ASIC2: variants seen among roughly 807,000 people sequenced by gnomAD.
The protein encoded by ASIC2 is acid-sensing ion channel 2.
Under a neutral mutation model 57.3 loss-of-function variants are expected in ASIC2, and 25 were observed. The ratio of observed to expected loss-of-function variants is 0.44; its 90% CI spans 0.32 to 0.61. ASIC2 has a LOEUF of 0.61. Among genes scored for constraint, ASIC2 ranks in the 20% least tolerant of loss-of-function variants. ASIC2 has a pLI of 0.06. For missense variants in ASIC2, 641 were observed against 738.1 expected, an observed-to-expected ratio of 0.87 and a Z score of 1.52; for synonymous variants, 319 against 307.5, an observed-to-expected ratio of 1.04 and a Z score of -0.39.
intron 1 of ASIC2, among the ~76,000 whole-genome samples, chr17:33,563,690 C>A (rs1442344689): frequency 6.6e-6 from 1 of 152,112 alleles, no homozygotes. Flanking sequence ...AGTTAAAGAA[C>A]CAGTGAGGGG....
At position 33,325,466 on chromosome 17, in the gene ASIC2, AG is replaced by A. The variant is rs370963161; in HGVS notation, c.556-213400del. On this transcript the variant is annotated intron_variant, in intron 1 of 9. Coordinates refer to the ASIC2 transcript ENST00000359872. ...AGGCAGAAAGGACAATGGTGTTCAG[AG>A]GAACTAAAAGAAGGCCTGACTGGCT... 9.8e-4 allele frequency among the ~76,000 whole-genome samples: 149 copies of A among 152,276 alleles called. 2 individuals carry two copies. The highest frequency in any genetic ancestry group is 3.5e-3 in the African/African-American group (146 of 41,550).
chr17:34,100,321 AGTTT>A (rs2142099747), intron 1 of ASIC2, among the ~76,000 whole-genome samples: 1 of 152,100 alleles, frequency 6.6e-6, no homozygotes, highest in African/African-American at 2.4e-5. Flanking sequence ...TTTATAATGC[AGTTT>A]GTTAACAGAT....
At chr17:33,098,760 T>C (rs2092195901) in intron 2 of ASIC2, among the ~76,000 whole-genome samples, 1 of 152,096 alleles carries the variant, frequency 6.6e-6, no homozygotes, top group Non-Finnish European at 1.5e-5. Flanking sequence ...TCTTTTTCAT[T>C]TTTCATTTTT....
At chr17:33,727,972 C>A (rs1351637763) in intron 1 of ASIC2, among the ~76,000 whole-genome samples, 1 of 152,196 alleles carries the variant, frequency 6.6e-6, no homozygotes, top group Non-Finnish European at 1.5e-5. Flanking sequence ...AAAGCCTTTG[C>A]CCTCCAAGGG....
intron 1 of ASIC2, among the ~76,000 whole-genome samples, chr17:33,928,982 C>T (rs1321297332): frequency 6.6e-6 from 1 of 152,126 alleles, no homozygotes; most frequent in Non-Finnish European, 1.5e-5. Flanking sequence ...ATGAAATTTT[C>T]CTTCTTCTTT....
At chr17:33,791,422 A>G (rs1911768595) in intron 1 of ASIC2, among the ~76,000 whole-genome samples, 1 of 152,214 alleles carries the variant, frequency 6.6e-6, no homozygotes, top group African/African-American at 2.4e-5. Context: ...TTGCTGTAGA[A>G]GTCTCGCCAT....
At chr17:34,065,652 A>G in intron 1 of ASIC2, among the ~76,000 whole-genome samples, 1 of 152,124 alleles carries the variant, frequency 6.6e-6, no homozygotes. Flanking sequence ...CCCAGGGCAA[A>G]CTTTCACAAC....
chr17:33,406,779 A>G (rs1417494859), intron 1 of ASIC2, among the ~76,000 whole-genome samples: 1 of 152,224 alleles, frequency 6.6e-6, no homozygotes, highest in Non-Finnish European at 1.5e-5. Flanking sequence ...TGGAAGGTAT[A>G]TTCCTACCCC....
At chr17:33,946,955 T>C (rs974833149) in intron 1 of ASIC2, among the ~76,000 whole-genome samples, 1 of 152,186 alleles carries the variant, frequency 6.6e-6, no homozygotes, top group Non-Finnish European at 1.5e-5. Flanking sequence ...TCCATCCACA[T>C]CTCTGATCTG....
chr17:33,660,612 T>G (rs1258429410), intron 1 of ASIC2, among the ~76,000 whole-genome samples: 1 of 152,218 alleles, frequency 6.6e-6, no homozygotes, highest in Non-Finnish European at 1.5e-5. Context: ...TTATTAAATA[T>G]TATTTACTGT....
In ASIC2 at chr17:34,019,667, T is replaced by A. The variant is rs966003748; in HGVS notation, c.555+136311A>T. Among the ~76,000 whole-genome samples, 21 of 152,238 alleles carry A rather than the reference T, an allele frequency of 1.4e-4. 1 individual carries two copies. The highest frequency in any genetic ancestry group is 3.2e-3 in the Middle Eastern group (1 of 316). On this transcript the variant is annotated intron_variant, in intron 1 of 9. Transcript: ENST00000359872. ...CAAATGCACATTTAATAGACTACAGTATAGTGTAACAATAACTTTTATATG... is the reference window on the plus strand; with the variant it reads ...CAAATGCACATTTAATAGACTACAGAATAGTGTAACAATAACTTTTATATG...
At chr17:33,770,442 GT>G (rs1911063141) in intron 1 of ASIC2, among the ~76,000 whole-genome samples, 1 of 152,160 alleles carries the variant, frequency 6.6e-6, no homozygotes, top group African/African-American at 2.4e-5. Context: ...TAGGCTTGTT[GT>G]TTTTGTTGTT....
intron 2 of ASIC2, among the ~76,000 whole-genome samples, chr17:33,111,436 G>A (rs1459413646): frequency 1.3e-5 from 2 of 152,216 alleles, no homozygotes; most frequent in African/African-American, 4.8e-5. Flanking sequence ...CATAGGCACA[G>A]GCAAGGTGCC....
intron 1 of ASIC2, among the ~76,000 whole-genome samples, chr17:33,459,005 A>G (rs1238014266): frequency 1.3e-5 from 2 of 152,052 alleles, no homozygotes; most frequent in Admixed American, 1.3e-4. Flanking sequence ...TTGTCAATAG[A>G]TATAGACAAC....
chr17:33,382,223 G>A (rs924125200), intron 1 of ASIC2, among the ~76,000 whole-genome samples: 14 of 152,144 alleles, frequency 9.2e-5, no homozygotes, highest in Non-Finnish European at 2.9e-5. Context: ...TCTGAACTTA[G>A]GGCAGGAATC....
At chr17:34,106,659 A>T in intron 1 of ASIC2, among the ~76,000 whole-genome samples, 1 of 152,156 alleles carries the variant, frequency 6.6e-6, no homozygotes, top group South Asian at 2.1e-4. Context: ...ATCATTCATT[A>T]CTATCCTTAA....
At chr17:33,071,005 T>G (rs942274145) in intron 3 of ASIC2, among the ~76,000 whole-genome samples, 14 of 152,130 alleles carry the variant, frequency 9.2e-5, no homozygotes, top group Non-Finnish European at 2.9e-5. Flanking sequence ...CTGTAGGTAA[T>G]GAGTTATTTT....
chr17:33,050,902 G>A (rs917955986), intron 3 of ASIC2, among the ~76,000 whole-genome samples: 1 of 152,042 alleles, frequency 6.6e-6, no homozygotes, highest in African/African-American at 2.4e-5. Flanking sequence ...GTATGAGGTA[G>A]GTACTATTGT....
chr17:33,776,943 C>T (rs59345411), intron 1 of ASIC2, among the ~76,000 whole-genome samples: 11,390 of 152,252 alleles, frequency 0.075, 500 homozygotes, highest in East Asian at 0.22. Context: ...TCTCCAGCCT[C>T]GCTCCCTCCA....
Sources: allele counts gnomAD v4.1 joint callset (sites outside exome capture counted in the v4.1 genomes callset), GRCh38; gene constraint gnomAD v4.1.1; transcripts MANE v1.5; gene names NCBI Gene and HGNC (gene_info 2026-07-23, HGNC 2026-07-21).